Variants in HDAC6 observed in about 807,000 individuals in gnomAD.
HDAC6 encodes the protein protein deacetylase HDAC6.
In HDAC6, 5 loss-of-function variants were observed where a neutral mutation model predicts 88.9. The ratio of observed to expected loss-of-function variants is 0.06; its 90% CI spans 0.03 to 0.12. The LOEUF (loss-of-function observed/expected upper bound fraction) is 0.12. HDAC6 is among the 10% of genes least tolerant of loss of function. HDAC6 has a pLI of 1.00. For missense variants in HDAC6, 706 were observed against 1,014.4 expected (o/e 0.70, Z 4.13); for synonymous variants, 378 against 398.0 (o/e 0.95, Z 0.60).
At chrX:48,818,450 G>A (rs367581386) in intron 22 of HDAC6, 38 bp downstream of exon 22, 76 of 1,086,205 alleles carry the variant, frequency 7.0e-5, no homozygotes, top group Middle Eastern at 2.6e-4. Context: ...TATGTGACAC[G>A]CCTGTGCAGG....
rs782584427 is a variant in HDAC6, at chrX:48,818,356, G to T, written c.2131G>T (p.Gly711Cys). The T allele has an allele frequency of 8.3e-7, 1 of 1,198,383 alleles. No individual in the cohort carries two copies. The highest frequency in any genetic ancestry group is 1.1e-6 in the Non-Finnish European group (1 of 888,195). ...CGTGGCATGGAACGGGCCCCGCATG[G>T]GTGATGCTGACTACCTAGCTGCCTG... is the stretch of plus-strand genomic sequence containing the variant. ...VNVAWNGPRM[G>C]DADYLAAWHR... is the part of the protein sequence containing the mutation. Residue 711 changes from glycine (G) to cysteine (C), a missense_variant, in exon 22 of 29, where the codon GGT (glycine) becomes TGT (cysteine). Gly to Cys is a radical substitution (Grantham distance 159). Transcript: ENST00000334136.
At chrX:48,802,412 A>G in intron 1 of HDAC6, 1 of 950,357 alleles carries the variant, frequency 1.1e-6, no homozygotes, top group Non-Finnish European at 1.4e-6. Context: ...GCTCCGTGAA[A>G]GGGCAAGACC....
In HDAC6 at chrX:48,802,669, G is replaced by A. The variant is rs782078914; in HGVS notation, c.-24G>A. On this transcript the variant is annotated 5_prime_UTR_variant, in exon 2 of 29. Coordinates refer to ENST00000334136, the MANE Select transcript of HDAC6 (RefSeq NM_006044.4). ...CTCCTCCCCCCACCCCCAGAACCGC[G>A]GCAGGGGCCAAGCCTCCTCAACTAT... The A allele has an allele frequency of 8.4e-7, 1 of 1,191,214 alleles. No individual in the cohort carries two copies. Among genetic ancestry groups the A allele is most frequent in the South Asian group, 1.8e-5 (1 of 54,443 alleles).
chrX:48,801,682 C>T, upstream of HDAC6: 2 of 296,123 alleles, frequency 6.8e-6, no homozygotes, highest in Admixed American at 5.4e-5. Context: ...CCTGTGAGCT[C>T]GCGGTGTGGC....
chrX:48,808,365 C>T, intron 10 of HDAC6, 39 bp downstream of exon 10: 2 of 1,035,730 alleles, frequency 1.9e-6, no homozygotes, highest in African/African-American at 1.8e-5. Flanking sequence ...GACTCCCAGC[C>T]ACCTCCCACC....
At position 48,823,552 on chromosome X, in the gene HDAC6, G is replaced by A. The variant is rs371512851; in HGVS notation, c.3153G>A (p.Gly1051=). The A allele has an allele frequency of 2.6e-4, 310 of 1,207,987 alleles. 3 individuals carry two copies. In the Middle Eastern group the frequency reaches 5.7e-3, roughly 22 times the overall value. Residue 1051 remains glycine, a synonymous_variant, in exon 25 of 29, where the codon GGG becomes GGA. Coordinates refer to ENST00000334136, the MANE Select transcript of HDAC6 (RefSeq NM_006044.4). ...AGATATCTCCCAGTACACTGATTGGGAGTCTCAGGACCTTGGAGCTAGGCA... is the reference window on the plus strand; with the variant it reads ...AGATATCTCCCAGTACACTGATTGGAAGTCTCAGGACCTTGGAGCTAGGCA... ...TPQISPSTLI[G]SLRTLELGSE... is the part of the protein sequence containing the mutation.
Position 48,814,527 on chromosome X carries a change from C to T in HDAC6, c.894C>T (p.Gly298=). The change falls in exon 11 of 29, where the codon GGC becomes GGT. Residue 298 remains glycine (G), a synonymous_variant. Transcript: ENST00000334136. Reference sequence around the variant, plus strand: ...CTAACTGGTCCACCACAGGTTTCGGCCAAGGCCAAGGATATACCATCAATG... The same window carrying T: ...CTAACTGGTCCACCACAGGTTTCGGTCAAGGCCAAGGATATACCATCAATG... ...KASNWSTTGF[G]QGQGYTINVP... 2 of 1,212,126 alleles carry T rather than the reference C, an allele frequency of 1.6e-6. No individual in the cohort carries two copies. Among genetic ancestry groups the T allele is most frequent in the East Asian group, 3.0e-5 (1 of 33,842 alleles).
intron 10 of HDAC6, chrX:48,810,678 G>A (rs1438758551): frequency 2.8e-5 from 3 of 106,432 alleles, no homozygotes; most frequent in African/African-American, 6.9e-5. Flanking sequence ...GCACAAATAC[G>A]ACTCACTGCA....
chrX:48,802,533 C>T, intron 1 of HDAC6, 130 bp from the exon 2 acceptor site: 2 of 1,112,561 alleles, frequency 1.8e-6, no homozygotes, highest in Non-Finnish European at 2.4e-6. Context: ...GTTTGGAAGG[C>T]TGTGGAGAAT....
intron 22 of HDAC6, 117 bp downstream of exon 22, chrX:48,818,529 C>T (rs782142953): frequency 2.2e-5 from 13 of 586,519 alleles, no homozygotes; most frequent in African/African-American, 1.6e-4. Context: ...TATGAGACAG[C>T]GCATGGGTGT....
At position 48,814,716 on chromosome X, in the gene HDAC6, C is replaced by T. The variant is rs369700028; in HGVS notation, c.975C>T (p.His325=). The T allele has an allele frequency of 4.1e-5, 49 of 1,209,847 alleles. No individual in the cohort carries two copies. The highest frequency in any genetic ancestry group is 6.5e-5 in the Admixed American group (3 of 45,873). The change falls in exon 12 of 29, where the codon CAC becomes CAT. Residue 325 remains histidine (H), a synonymous_variant. Transcript: ENST00000334136. ...CTGACTACATTGCTGCTTTCCTGCACGTCCTGCTGCCAGTCGCCCTCGAGG... is the reference window on the plus strand; with the variant it reads ...CTGACTACATTGCTGCTTTCCTGCATGTCCTGCTGCCAGTCGCCCTCGAGG... ...RDADYIAAFL[H]VLLPVALEFQ...
In HDAC6 at chrX:48,802,968, A is replaced by G. The variant is rs1557022959; in HGVS notation, c.191A>G (p.Glu64Gly). The G allele has an allele frequency of 2.5e-6, 3 of 1,209,353 alleles. No individual in the cohort carries two copies. In the African/African-American group the frequency reaches 5.2e-5, roughly 21 times the overall value. The change falls in exon 3 of 29, where the codon GAA becomes GGA. Residue 64 changes from glutamate to glycine, a missense_variant. By Grantham distance (98) the Glu-to-Gly change is moderately conservative (BLOSUM62 -2). Around this residue, in one of 9 missense-constraint regions of HDAC6, gnomAD observed 193 missense variants for 258.2 expected, o/e 0.75. Coordinates refer to ENST00000334136, the MANE Select transcript of HDAC6 (RefSeq NM_006044.4). ...GKMKKLGQAM[E>G]EDLIVGLQGM... ...ATGAAGAAGCTCGGCCAAGCAATGG[A>G]AGAAGACCTAATCGTGGGACTGCAA...
chrX:48,809,797 A>T (rs2062872050), intron 10 of HDAC6, among the ~76,000 whole-genome samples: 1 of 108,390 alleles, frequency 9.2e-6, no homozygotes, highest in East Asian at 2.9e-4. Flanking sequence ...CTGAGACCCC[A>T]TCTAAAAAAA....
At chrX:48,807,217 G>C (rs1332251827) in intron 8 of HDAC6, among the ~76,000 whole-genome samples, 1 of 111,794 alleles carries the variant, frequency 8.9e-6, no homozygotes, top group Non-Finnish European at 1.9e-5. Flanking sequence ...ACACATCTTG[G>C]AAACCTTTCT....
rs1557026880 is a variant in HDAC6 at position 48,814,759 on chromosome X, G to T, written c.999+19G>T. The T allele has an allele frequency of 8.3e-7, 1 of 1,210,285 alleles. No homozygotes were observed. The highest frequency in any genetic ancestry group is 2.2e-5 in the Admixed American group (1 of 46,063). ...CCTCGAGGTCCTGGGGATCTGGGGT[G>T]TGTTGGGAGGAGGAGTGGCCTTGAA... On this transcript the variant is annotated intron_variant, in intron 12 of 28. Transcript: ENST00000334136.
In HDAC6 at chrX:48,823,581, A is replaced by G. The variant is rs1557031152; in HGVS notation, c.3182A>G (p.Glu1061Gly). Residue 1061 changes from glutamate (E) to glycine (G), a missense_variant, in exon 25 of 29, where the codon GAA becomes GGA. By Grantham distance (98) the Glu-to-Gly change is moderately conservative. Around this residue, in one of 9 missense-constraint regions of HDAC6, gnomAD observed 112 missense variants for 95.1 expected, o/e 1.18. Coordinates refer to ENST00000334136, the MANE Select transcript of HDAC6 (RefSeq NM_006044.4). ...GSLRTLELGS[E>G]SQGASESQAP... Reference sequence around the variant, plus strand: ...CTCAGGACCTTGGAGCTAGGCAGCGAATCTCAGGTAAGGCTCACCACACCC... The same window carrying G: ...CTCAGGACCTTGGAGCTAGGCAGCGGATCTCAGGTAAGGCTCACCACACCC... 6 of 1,207,001 alleles carry G rather than the reference A, an allele frequency of 5.0e-6. No individual in the cohort carries two copies. In the South Asian group the frequency reaches 1.1e-4, roughly 21 times the overall value.
chrX:48,819,444 C>T (rs1602270770), intron 22 of HDAC6: 1 of 127,129 alleles, frequency 7.9e-6, no homozygotes, highest in Non-Finnish European at 1.6e-5. Context: ...GTGTGTCCCA[C>T]GTTTGACCCT....
intron 23 of HDAC6, among the ~76,000 whole-genome samples, chrX:48,822,103 A>G (rs932313647): frequency 4.5e-5 from 5 of 111,773 alleles, no homozygotes; most frequent in Non-Finnish European, 9.4e-5. Flanking sequence ...ACAGGAGTCC[A>G]TGTGGAGAAA....
intron 24 of HDAC6, 28 bp downstream of exon 24, chrX:48,822,822 A>G (rs782749418): frequency 8.5e-7 from 1 of 1,173,649 alleles, no homozygotes; most frequent in Non-Finnish European, 1.1e-6. Flanking sequence ...TGATGGGGGG[A>G]ACCCAGGGAA....
Sources: allele counts gnomAD v4.1 joint callset (sites outside exome capture counted in the v4.1 genomes callset), GRCh38; gene constraint gnomAD v4.1.1; regional missense constraint gnomAD v4.1.1; transcripts MANE v1.5; gene names NCBI Gene and HGNC (gene_info 2026-07-23, HGNC 2026-07-21).